Variants in SYT1 observed in about 807,000 individuals in gnomAD.
SYT1 encodes synaptotagmin-1.
A neutral mutation model predicts 44.8 loss-of-function variants in SYT1; 8 were observed. The observed-to-expected ratio is 0.18, with a 90% CI of 0.10 to 0.32. SYT1 has a LOEUF of 0.32. Among genes scored for constraint, SYT1 ranks in the 10% least tolerant of loss-of-function variants. SYT1 has a pLI of 1.00. For synonymous variants in SYT1, 154 were observed against 188.8 expected, an observed-to-expected ratio of 0.82 and a Z score of 1.51; for missense variants, 286 against 509.3, an observed-to-expected ratio of 0.56 and a Z score of 4.22.
chr12:79,119,327 A>G (rs1879465128), intron 3 of SYT1, among the ~76,000 whole-genome samples: 3 of 152,220 alleles, frequency 2.0e-5, no homozygotes, highest in African/African-American at 7.2e-5. Context: ...ATGGTTCTCC[A>G]TTTCCTGGAG....
At chr12:79,023,076 T>A (rs1247911451) in intron 2 of SYT1, among the ~76,000 whole-genome samples, 1 of 151,754 alleles carries the variant, frequency 6.6e-6, no homozygotes, top group Admixed American at 6.6e-5. Context: ...CTCTTTTGAC[T>A]TAGTTTGAGC....
At chr12:79,364,855 T>G (rs1024890181) in intron 9 of SYT1, among the ~76,000 whole-genome samples, 2 of 152,176 alleles carry the variant, frequency 1.3e-5, no homozygotes, top group Admixed American at 1.3e-4. Flanking sequence ...CATATGAAAC[T>G]GCAAGATTAC....
At chr12:79,136,209 C>T (rs1327672928) in intron 3 of SYT1, among the ~76,000 whole-genome samples, 1 of 152,100 alleles carries the variant, frequency 6.6e-6, no homozygotes, top group African/African-American at 2.4e-5. Flanking sequence ...TTTCAGCTAC[C>T]ATCTATTGAA....
intron 1 of SYT1, among the ~76,000 whole-genome samples, chr12:78,893,873 C>T (rs1038246931): frequency 4.0e-5 from 6 of 151,470 alleles, no homozygotes; most frequent in African/African-American, 1.5e-4. Flanking sequence ...TAAAGTTGCC[C>T]TCTGCATTTC....
intron 3 of SYT1, among the ~76,000 whole-genome samples, chr12:79,066,851 A>G (rs964738075): frequency 6.6e-5 from 10 of 152,160 alleles, no homozygotes; most frequent in Non-Finnish European, 1.5e-5. Flanking sequence ...AACTAATTGC[A>G]TTTTCCAACT....
At chr12:79,446,457 G>C (rs1007043048) in intron 10 of SYT1, among the ~76,000 whole-genome samples, 2 of 151,990 alleles carry the variant, frequency 1.3e-5, no homozygotes, top group Non-Finnish European at 2.9e-5. Context: ...GCTGGCCAAT[G>C]AGCACCTCAG....
At chr12:79,181,111 C>T (rs1270378773) in intron 3 of SYT1, among the ~76,000 whole-genome samples, 1 of 152,068 alleles carries the variant, frequency 6.6e-6, no homozygotes, top group Non-Finnish European at 1.5e-5. Flanking sequence ...GAGTCAATTA[C>T]ACCTCTTTCC....
chr12:79,271,568 A>C (rs898302958), intron 4 of SYT1, among the ~76,000 whole-genome samples: 3 of 152,214 alleles, frequency 2.0e-5, no homozygotes, highest in African/African-American at 7.2e-5. Context: ...TCATGATTGC[A>C]CAAACCATCC....
intron 1 of SYT1, among the ~76,000 whole-genome samples, chr12:78,909,857 A>G (rs1876216514): frequency 6.6e-6 from 1 of 151,948 alleles, no homozygotes. Flanking sequence ...CAAAGTGTCA[A>G]GTACCACCCA....
At chr12:79,249,441 G>A (rs1222612820) in intron 4 of SYT1, among the ~76,000 whole-genome samples, 1 of 152,098 alleles carries the variant, frequency 6.6e-6, no homozygotes, top group Admixed American at 6.5e-5. Flanking sequence ...CTGAAGAGTT[G>A]GAAGTGTGAG....
intron 1 of SYT1, among the ~76,000 whole-genome samples, chr12:78,943,390 C>T (rs563333928): frequency 2.0e-5 from 3 of 152,166 alleles, no homozygotes; most frequent in Non-Finnish European, 4.4e-5. Context: ...GGGGAGCAGG[C>T]ACCTCACATG....
chr12:79,203,256 G>A (rs1160178746), intron 3 of SYT1, among the ~76,000 whole-genome samples: 1 of 152,122 alleles, frequency 6.6e-6, no homozygotes, highest in Non-Finnish European at 1.5e-5. Context: ...CTGCTCAACG[G>A]CATTGTGAGG....
At chr12:79,395,667 A>G (rs1423301069) in intron 9 of SYT1, among the ~76,000 whole-genome samples, 1 of 151,310 alleles carries the variant, frequency 6.6e-6, no homozygotes, top group Non-Finnish European at 1.5e-5. Context: ...GATTACAGGC[A>G]TGAGCCAACA....
intron 3 of SYT1, among the ~76,000 whole-genome samples, chr12:79,104,537 T>A (rs1878609041): frequency 6.6e-6 from 1 of 152,038 alleles, no homozygotes; most frequent in East Asian, 1.9e-4. Context: ...TTAATTTGGA[T>A]CCTGAAGTAT....
intron 3 of SYT1, among the ~76,000 whole-genome samples, chr12:79,193,861 T>C (rs1873278916): frequency 6.6e-6 from 1 of 152,224 alleles, no homozygotes; most frequent in South Asian, 2.1e-4. Context: ...ATTCACTTTG[T>C]ATTGTTTTAT....
chr12:79,279,973 C>G (rs1297394654), intron 4 of SYT1, among the ~76,000 whole-genome samples: 1 of 152,024 alleles, frequency 6.6e-6, no homozygotes, highest in Non-Finnish European at 1.5e-5. Context: ...CTACAAAACA[C>G]TGATAAAAGA....
At chr12:79,223,351 C>T (rs934550848) in intron 4 of SYT1, among the ~76,000 whole-genome samples, 3 of 152,048 alleles carry the variant, frequency 2.0e-5, no homozygotes, top group Non-Finnish European at 4.4e-5. Flanking sequence ...GCCTGGGGCC[C>T]ACTGTGGCAG....
At chr12:78,937,180 G>A (rs990470135) in intron 1 of SYT1, among the ~76,000 whole-genome samples, 1 of 152,142 alleles carries the variant, frequency 6.6e-6, no homozygotes, top group African/African-American at 2.4e-5. Context: ...TGAGGGGAAT[G>A]TTTAGTCCAC....
At chr12:79,133,916 T>C (rs1414812437) in intron 3 of SYT1, among the ~76,000 whole-genome samples, 1 of 152,210 alleles carries the variant, frequency 6.6e-6, no homozygotes, top group East Asian at 1.9e-4. Context: ...AAGGCCTAGA[T>C]AGAATTAGAG....
Sources: gnomAD v4.1 joint callset for allele counts (sites outside exome capture counted in the v4.1 genomes callset) on GRCh38, gnomAD v4.1.1 for gene constraint, MANE v1.5 for transcripts, NCBI Gene and HGNC (gene_info 2026-07-23, HGNC 2026-07-21) for gene names.